POLN: variants seen among roughly 807,000 people sequenced by gnomAD.
POLN encodes DNA polymerase N.
POLN carries 108 observed loss-of-function variants against 113.5 expected under a neutral mutation model. The ratio of observed to expected loss-of-function variants is 0.95; its 90% confidence interval spans 0.81 to 1.12. The LOEUF is 1.12. Ranked by LOEUF, POLN falls within the 50% of genes most tolerant of loss-of-function variation. The pLI, the probability that POLN is intolerant of heterozygous loss-of-function variation, is 0.00. For missense variants in POLN, 1,097 were observed against 1,077.1 expected, an observed-to-expected ratio of 1.02 and a Z score of -0.26; for synonymous variants, 386 against 391.5, an observed-to-expected ratio of 0.99 and a Z score of 0.17.
At chr4:2,209,657 CTTTTTTTTTTTT>C (rs1175117439) in intron 4 of POLN, among the ~76,000 whole-genome samples, 2 of 108,430 alleles carry the variant, frequency 1.8e-5, no homozygotes, top group Non-Finnish European at 3.6e-5. Flanking sequence ...TTTCCTTTTC[CTTTTTTTTTTTT>C]TTTTTTTTTT....
intron 2 of POLN, chr4:2,231,017 T>C (rs1359973558): frequency 1.3e-5 from 2 of 152,248 alleles, no homozygotes; most frequent in African/African-American, 2.4e-5. Flanking sequence ...TCATTTATGA[T>C]GTGTAAGTCA....
intron 2 of POLN, chr4:2,240,338 G>A (rs777374703): frequency 6.2e-7 from 1 of 1,602,428 alleles, no homozygotes; most frequent in Non-Finnish European, 8.5e-7. Flanking sequence ...CCTGACTTAG[G>A]TATTTTTCCA....
rs146666342 is a variant in POLN, at chr4:2,093,378, G to A, written c.2065+2473C>T. Among the ~76,000 whole-genome samples the A allele has an allele frequency of 5.9e-5, 9 of 152,198 alleles. No homozygotes were observed. Among genetic ancestry groups the A allele is most frequent in the African/African-American group, 1.9e-4 (8 of 41,438 alleles). ...AAGTGAAGTAGGACTCAGACGTAAC[G>A]GCAGATGACAGAGATGAGAGCTGAC... On this transcript the variant is annotated intron_variant, in intron 20 of 25. Coordinates refer to ENST00000511885, the MANE Select transcript of POLN (RefSeq NM_181808.4). This position sits in a 1 kb window ranked among gnomAD's most constrained non-coding sequence, Gnocchi z 4.1.
chr4:2,118,993 T>G (rs1040111051), intron 19 of POLN, among the ~76,000 whole-genome samples: 4 of 152,246 alleles, frequency 2.6e-5, no homozygotes, highest in African/African-American at 9.6e-5. Flanking sequence ...GCAAGTCACA[T>G]GGCCAAGTCT....
At chr4:2,080,720 G>GA in intron 23 of POLN, 4 of 1,410,440 alleles carry the variant, frequency 2.8e-6, no homozygotes, top group Non-Finnish European at 3.7e-6. Context: ...GGGTCTGGGG[G>GA]AGACAGCATT....
intron 6 of POLN, among the ~76,000 whole-genome samples, chr4:2,196,991 A>T (rs1733592574): frequency 6.6e-6 from 1 of 152,172 alleles, no homozygotes; most frequent in Non-Finnish European, 1.5e-5. Context: ...AGAGGCCGGG[A>T]GAGAGGAGGA....
At chr4:2,232,768 T>C (rs1180112067) in intron 2 of POLN, among the ~76,000 whole-genome samples, 1 of 152,210 alleles carries the variant, frequency 6.6e-6, no homozygotes, top group African/African-American at 2.4e-5. Context: ...TAAATTCAAA[T>C]TCCTCAGTGT....
chr4:2,162,059 G>A (rs1278639104), intron 13 of POLN, among the ~76,000 whole-genome samples: 1 of 152,172 alleles, frequency 6.6e-6, no homozygotes, highest in African/African-American at 2.4e-5. Context: ...TGTGGATAGG[G>A]CCAGATAAGA....
chr4:2,231,903 T>TA (rs758388166), intron 2 of POLN: 63 of 990,614 alleles, frequency 6.4e-5, no homozygotes, highest in Non-Finnish European at 9.4e-5. Context: ...GGACACGTAA[T>TA]AAAGATTCAG....
intron 20 of POLN, among the ~76,000 whole-genome samples, chr4:2,087,864 G>A (rs1369148371): frequency 6.6e-6 from 1 of 151,726 alleles, no homozygotes; most frequent in African/African-American, 2.4e-5. Flanking sequence ...ACAGTGTCTT[G>A]CTGTGTTACC....
At chr4:2,189,653 G>A (rs1355014871) in intron 7 of POLN, among the ~76,000 whole-genome samples, 38 of 136,294 alleles carry the variant, frequency 2.8e-4, no homozygotes, top group East Asian at 7.2e-4. Context: ...AAAAAAAAAA[G>A]AAAAAAAATC....
chr4:2,208,331 G>C lies in POLN; in HGVS notation c.370C>G (p.Gln124Glu), dbSNP rs148205913. ...TTTTTCTGTAGAACTGAAGCCTCTT[G>C]ATTATACTGTGGAATTAAACAACTT... Reference protein sequence around the residue: ...LSSCLIPQYNQEASVLQKKGH... With the variant: ...LSSCLIPQYNEEASVLQKKGH... The change falls in exon 5 of 26, where the codon CAA becomes GAA. Residue 124 changes from glutamine to glutamate, a missense_variant. Coordinates refer to ENST00000511885, the MANE Select transcript of POLN (RefSeq NM_181808.4). 97 of 1,612,512 alleles carry C rather than the reference G, an allele frequency of 6.0e-5. No homozygotes were observed. Among genetic ancestry groups the C allele is most frequent in the Non-Finnish European group, 1.8e-5 (21 of 1,179,482 alleles).
rs1396516494 is a variant in POLN, at chr4:2,082,736, AG to A, written c.2198-994del. The A allele has an allele frequency of 2.6e-5, 4 of 152,362 alleles. No individual in the cohort carries two copies. The East Asian group carries it at 7.7e-4, about 29-fold the overall frequency. The allele number at this position is 152,362 out of a possible 1,614,324, so 9.4% of individuals were successfully genotyped here. Reference sequence around the variant, plus strand: ...GAAGGACTGGCAGTGAGGACACGAGAGATCTTCTGCTCTGACTTGGTCCCTT... The same window carrying A: ...GAAGGACTGGCAGTGAGGACACGAGAATCTTCTGCTCTGACTTGGTCCCTT... On this transcript the variant is annotated intron_variant, in intron 21 of 25. Transcript: ENST00000511885.
At chr4:2,188,886 G>A (rs1333710719) in intron 7 of POLN, among the ~76,000 whole-genome samples, 2 of 152,106 alleles carry the variant, frequency 1.3e-5, no homozygotes, top group Non-Finnish European at 1.5e-5. Context: ...GTAGGGGGTG[G>A]AATTAAAGTG....
At chr4:2,121,447 A>AT (rs1323139776) in intron 19 of POLN, among the ~76,000 whole-genome samples, 3,444 of 86,796 alleles carry the variant, frequency 0.04, 48 homozygotes, top group African/African-American at 0.045. Context: ...AAAAAAAAAA[A>AT]AAAAAATATA....
At chr4:2,107,350 C>T (rs1362012122) in intron 19 of POLN, among the ~76,000 whole-genome samples, 1 of 152,188 alleles carries the variant, frequency 6.6e-6, no homozygotes, top group Non-Finnish European at 1.5e-5. Context: ...ACTAGAGTAA[C>T]CATACATACT....
At chr4:2,104,274 A>T (rs1364689340) in intron 19 of POLN, among the ~76,000 whole-genome samples, 1 of 152,252 alleles carries the variant, frequency 6.6e-6, no homozygotes, top group Non-Finnish European at 1.5e-5. Flanking sequence ...GATAGACCAT[A>T]TCTTGCTTAC....
intron 2 of POLN, chr4:2,234,593 T>G (rs1734691969): frequency 6.6e-6 from 1 of 152,436 alleles, no homozygotes; most frequent in Non-Finnish European, 1.5e-5. Context: ...CCTGGGTCCG[T>G]GAATCAGGAC....
At position 2,113,450 on chromosome 4, in the gene POLN, C is replaced by T. The variant is rs369953605; in HGVS notation, c.1982+14663G>A. On this transcript the variant is annotated intron_variant, in intron 19 of 25. Coordinates refer to ENST00000511885, the MANE Select transcript of POLN (RefSeq NM_181808.4). ...AGTCATCACAATCTATCTTTACATGCCATTATAATATTTCAGGGACAGCGT... is the reference window on the plus strand; with the variant it reads ...AGTCATCACAATCTATCTTTACATGTCATTATAATATTTCAGGGACAGCGT... 4.6e-5 allele frequency among the ~76,000 whole-genome samples: 7 copies of T among 152,054 alleles called. No individual in the cohort carries two copies. In the East Asian group the frequency reaches 5.8e-4, roughly 13 times the overall value.
Sources: allele counts gnomAD v4.1 joint callset (sites outside exome capture counted in the v4.1 genomes callset), GRCh38; gene constraint gnomAD v4.1.1; non-coding constraint Gnocchi (gnomAD v3.1); transcripts MANE v1.5; gene names NCBI Gene and HGNC (gene_info 2026-07-23, HGNC 2026-07-21).